The following KCNK3 variants were observed in gnomAD, a reference collection of about 807,000 sequenced individuals.
KCNK3 encodes the protein potassium two pore domain channel subfamily K member 3, also known as potassium channel subfamily K member 3.
Under a neutral mutation model 27.3 loss-of-function variants are expected in KCNK3, and 9 were observed. That is an observed-to-expected ratio of 0.33 (90% CI 0.20 to 0.57). The LOEUF (loss-of-function observed/expected upper bound fraction) is 0.57, where lower values mean the gene tolerates loss of function less well. Ranked by LOEUF, KCNK3 falls within the 20% of genes least tolerant of loss-of-function variation. The pLI is 0.87. For synonymous variants in KCNK3, 278 were observed against 273.8 expected, an observed-to-expected ratio of 1.02 and a Z score of -0.15; for missense variants, 391 against 577.7, an observed-to-expected ratio of 0.68 and a Z score of 3.31.
chr2:26,724,842 G>C (rs1055502920), intron 1 of KCNK3, among the ~76,000 whole-genome samples: 1 of 152,174 alleles, frequency 6.6e-6, no homozygotes, highest in Non-Finnish European at 1.5e-5. Context: ...TTGTGGGCTG[G>C]GGTAGGAGAG....
rs2148038435 is a variant in KCNK3 at position 26,727,938 on chromosome 2, C to G, written c.555C>G (p.Thr185=). 5 of 1,614,256 alleles carry G rather than the reference C, an allele frequency of 3.1e-6. No homozygotes were observed. The Middle Eastern group carries it at 6.6e-4, about 213-fold the overall frequency. ...AAAFSHYEHW[T]FFQAYYYCFI... ...CCTTCTCCCACTACGAGCACTGGAC[C>G]TTCTTCCAGGCCTACTACTACTGCT... Residue 185 remains threonine, a synonymous_variant, in exon 2 of 2, where the codon ACC becomes ACG. Transcript: ENST00000302909.
chr2:26,731,101 C>G lies in KCNK3; in HGVS notation c.*2533C>G, dbSNP rs1444791562. On this transcript the variant is annotated 3_prime_UTR_variant, in exon 2 of 2. Transcript: ENST00000302909. ...CCCCACCCCGGGCAGCCCCCGGACTCCAAAGGTCGTGGCTGCCACAGCCTC... is the reference window on the plus strand; with the variant it reads ...CCCCACCCCGGGCAGCCCCCGGACTGCAAAGGTCGTGGCTGCCACAGCCTC... 6.6e-6 allele frequency: 1 copy of G among 152,432 alleles called. No individual in the cohort carries two copies. The highest frequency in any genetic ancestry group is 2.4e-5 in the African/African-American group (1 of 41,476). The allele number at this position is 152,432 out of a possible 1,614,324, so 9.4% of individuals were successfully genotyped here. A position where few individuals can be genotyped will look rare whatever the true frequency, so the allele number is the denominator to read the frequency against.
intron 1 of KCNK3, among the ~76,000 whole-genome samples, chr2:26,713,777 CAAAA>C (rs111240045): frequency 1.0e-5 from 1 of 95,776 alleles, no homozygotes. Flanking sequence ...GAATCCATCT[CAAAA>C]AAAAAAAAAA....
At chr2:26,725,018 T>C (rs1007092009) in intron 1 of KCNK3, among the ~76,000 whole-genome samples, 3 of 151,996 alleles carry the variant, frequency 2.0e-5, no homozygotes, top group Non-Finnish European at 4.4e-5. Flanking sequence ...GTGAGCACAG[T>C]CACAGTGGGC....
chr2:26,728,499 C>G lies in KCNK3; in HGVS notation c.1116C>G (p.Ser372Arg). The G allele has an allele frequency of 6.5e-7, 1 of 1,532,666 alleles. No homozygotes were observed. Among genetic ancestry groups the G allele is most frequent in the Non-Finnish European group, 8.8e-7 (1 of 1,136,960 alleles). The allele number at this position is 1,532,666 out of a possible 1,614,324, so 94.9% of individuals were successfully genotyped here. Residue 372 changes from serine (S) to arginine (R), a missense_variant, in exon 2 of 2, where the codon AGC (serine) becomes AGG (arginine). By Grantham distance (110) the Ser-to-Arg change is moderately radical. Transcript: ENST00000302909. The part of the protein sequence containing the change: ...LCSGAPRSAI[S>R]SVSTGLHSLS... ...GCGGGGCGCCACGCTCCGCCATCAGCTCGGTGTCCACGGGTCTGCACAGCC... is the reference window on the plus strand; with the variant it reads ...GCGGGGCGCCACGCTCCGCCATCAGGTCGGTGTCCACGGGTCTGCACAGCC...
intron 1 of KCNK3, among the ~76,000 whole-genome samples, chr2:26,705,614 C>A (rs1216549177): frequency 6.6e-6 from 1 of 152,130 alleles, no homozygotes; most frequent in African/African-American, 2.4e-5. Flanking sequence ...ATAGGTCATT[C>A]CCGTAGTAGG....
chr2:26,699,250 A>AAAGAAAGCAAGCAAGC (rs35378015), intron 1 of KCNK3, among the ~76,000 whole-genome samples: 24 of 142,872 alleles, frequency 1.7e-4, no homozygotes, highest in Middle Eastern at 3.5e-3. Context: ...AGAAAGAAAG[A>AAAGAAAGCAAGCAAGC]AAGCCAGCCA....
intron 1 of KCNK3, chr2:26,724,510 A>G (rs1663377869): frequency 1.3e-6 from 1 of 774,400 alleles, no homozygotes; most frequent in Admixed American, 6.2e-5. Flanking sequence ...TAATCATAAT[A>G]GTGACCTTGT....
rs550535933 is a variant in KCNK3, at chr2:26,692,994, G to T, written c.119G>T (p.Arg40Leu). Residue 40 changes from arginine to leucine, a missense_variant, in exon 1 of 2, where the codon CGG (arginine) becomes CTG (leucine). Physicochemically the swap from Arg to Leu is moderately radical, Grantham distance 102 (BLOSUM62 -2). Coordinates refer to ENST00000302909, the MANE Select transcript of KCNK3 (RefSeq NM_002246.3). The surrounding 1 kb of genome is among the most constrained non-coding windows in gnomAD (Gnocchi z 5.6). ...ESEPELIERQ[R>L]LELRQQELRA... ...GAGCCCGAGCTGATCGAGCGGCAGCGGCTGGAGCTGCGGCAGCAGGAGCTG... is the reference window on the plus strand; with the variant it reads ...GAGCCCGAGCTGATCGAGCGGCAGCTGCTGGAGCTGCGGCAGCAGGAGCTG... The T allele has an allele frequency of 3.2e-6, 5 of 1,576,252 alleles. No homozygotes were observed. Among genetic ancestry groups the T allele is most frequent in the African/African-American group, 1.4e-5 (1 of 73,902 alleles).
At chr2:26,727,633 T>G (rs751447084) in intron 1 of KCNK3, 34 bp from the exon 2 acceptor site, 2 of 1,511,408 alleles carry the variant, frequency 1.3e-6, no homozygotes, top group Non-Finnish European at 1.8e-6. Context: ...CCCCAAAATG[T>G]GTGCTTTTTC....
At chr2:26,719,406 C>T (rs560461846) in intron 1 of KCNK3, among the ~76,000 whole-genome samples, 2 of 152,248 alleles carry the variant, frequency 1.3e-5, no homozygotes, top group East Asian at 3.9e-4. Context: ...CTCAGTAGCT[C>T]CCCTCATCAG....
intron 1 of KCNK3, among the ~76,000 whole-genome samples, chr2:26,707,435 G>A (rs914182660): frequency 2.0e-5 from 3 of 152,202 alleles, no homozygotes; most frequent in African/African-American, 7.2e-5. Context: ...TCCAGGCCCT[G>A]GGCTTGCTCC....
chr2:26,726,238 G>A (rs1558604030), intron 1 of KCNK3, among the ~76,000 whole-genome samples: 1 of 152,108 alleles, frequency 6.6e-6, no homozygotes, highest in Non-Finnish European at 1.5e-5. Context: ...GCAATGTGGA[G>A]GTAGAAGCTA....
intron 1 of KCNK3, among the ~76,000 whole-genome samples, chr2:26,710,751 C>T (rs1663097100): frequency 6.6e-6 from 1 of 152,138 alleles, no homozygotes; most frequent in Non-Finnish European, 1.5e-5. Flanking sequence ...CTCCCAGCTT[C>T]TCTGGGAGGG....
At chr2:26,698,705 T>G (rs926507444) in intron 1 of KCNK3, among the ~76,000 whole-genome samples, 5 of 152,138 alleles carry the variant, frequency 3.3e-5, no homozygotes, top group African/African-American at 9.7e-5. Context: ...TTTCCCCTTA[T>G]CTTCCCAATC....
intron 1 of KCNK3, among the ~76,000 whole-genome samples, chr2:26,718,744 G>A (rs1489881500): frequency 6.6e-6 from 1 of 151,858 alleles, no homozygotes; most frequent in African/African-American, 2.4e-5. Context: ...GAGTAGCTGG[G>A]ACCACAAGCA....
intron 1 of KCNK3, among the ~76,000 whole-genome samples, chr2:26,726,100 CACACACAGAGAGAGAGAG>C (rs1216381452): frequency 1.0e-4 from 11 of 109,766 alleles, no homozygotes; most frequent in African/African-American, 4.6e-4. Flanking sequence ...CACACACACA[CACACACAGAGAGAGAGAG>C]AGAGAGAGAG....
At chr2:26,704,305 T>C (rs1445098536) in intron 1 of KCNK3, among the ~76,000 whole-genome samples, 2 of 152,138 alleles carry the variant, frequency 1.3e-5, no homozygotes, top group Admixed American at 6.5e-5. Flanking sequence ...CATCCAACAC[T>C]GAATGCACAG....
At position 26,728,253 on chromosome 2, in the gene KCNK3, AGCG is replaced by A. The variant is rs1456329975; in HGVS notation, c.872_874del (p.Ala291del). 6 of 1,581,766 alleles carry A rather than the reference AGCG, an allele frequency of 3.8e-6. No homozygotes were observed. Among genetic ancestry groups the A allele is most frequent in the Non-Finnish European group, 5.2e-6 (6 of 1,164,166 alleles). On this transcript the variant is annotated inframe_deletion, in exon 2 of 2. Transcript: ENST00000302909. ...CGGACACCGCCTCATCCACGGCGGC[AGCG>A]GGCGGCGGCGGCTTCCGCAACGTCT... is the stretch of plus-strand genomic sequence containing the variant.
Sources: gnomAD v4.1 joint callset for allele counts (sites outside exome capture counted in the v4.1 genomes callset) on GRCh38, gnomAD v4.1.1 for gene constraint, Gnocchi (gnomAD v3.1) non-coding constraint, MANE v1.5 for transcripts, NCBI Gene and HGNC (gene_info 2026-07-23, HGNC 2026-07-21) for gene names.